ARHGAP4: variants seen among roughly 807,000 people sequenced by gnomAD.
ARHGAP4 encodes the protein Rho GTPase activating protein 4, also known as rho GTPase-activating protein 4.
Under a neutral mutation model 67.6 loss-of-function variants are expected in ARHGAP4, and 25 were observed. That is an observed-to-expected ratio of 0.37 (90% confidence interval 0.27 to 0.52). ARHGAP4 has a LOEUF of 0.52. ARHGAP4 is among the 20% of genes least tolerant of loss of function. The pLI is 0.92. For synonymous variants in ARHGAP4, 448 were observed against 373.7 expected, an observed-to-expected ratio of 1.20 and a Z score of -2.29; for missense variants, 804 against 854.6, an observed-to-expected ratio of 0.94 and a Z score of 0.74.
At chrX:153,919,756 A>C in intron 5 of ARHGAP4, 2 of 1,003,715 alleles carry the variant, frequency 2.0e-6, no homozygotes, top group Admixed American at 4.4e-5. Context: ...ACCTGCTGGC[A>C]CCTGGGTTCT....
At chrX:153,926,091 G>C in intron 1 of ARHGAP4, 45 bp downstream of exon 1, 1 of 1,192,563 alleles carries the variant, frequency 8.4e-7, no homozygotes, top group Non-Finnish European at 1.1e-6. Flanking sequence ...CACGACCTTG[G>C]GTTCTCCGCA....
intron 7 of ARHGAP4, chrX:153,914,099 G>A (rs1202545645): frequency 2.3e-6 from 1 of 425,541 alleles, no homozygotes; most frequent in African/African-American, 2.5e-5. Flanking sequence ...CCAACTGACG[G>A]ATGGCTAAAC....
chrX:153,914,515 G>A (rs187272614), intron 7 of ARHGAP4, among the ~76,000 whole-genome samples: 72 of 111,790 alleles, frequency 6.4e-4, no homozygotes, highest in African/African-American at 2.2e-3. Context: ...GGCCAACACG[G>A]TGAAACCCTG....
Position 153,921,207 on chromosome X carries a change from G to A in ARHGAP4, c.436-48C>T, listed in dbSNP as rs782469668. On this transcript the variant is annotated intron_variant, in intron 3 of 21. Coordinates refer to ENST00000350060, the MANE Select transcript of ARHGAP4 (RefSeq NM_001666.5). ...GCACGGCACTGCCCAGAGCGGCCCC[G>A]CCAGGCACTGGAAGCTCTGCCCAGA... 10 of 1,179,307 alleles carry A rather than the reference G, an allele frequency of 8.5e-6. No individual in the cohort carries two copies. The Admixed American group carries it at 1.4e-4, about 16-fold the overall frequency.
rs182260926 is a variant in ARHGAP4, at chrX:153,912,863, C to A, written c.1440-61G>T. ...GTGTGGAGAATAGGGTGCCCCACCC[C>A]CCAGGCCAGCCAAGCCGGCCTCTAA... On this transcript the variant is annotated intron_variant, in intron 11 of 21. Coordinates refer to ENST00000350060, the MANE Select transcript of ARHGAP4 (RefSeq NM_001666.5). The A allele has an allele frequency of 6.8e-5, 76 of 1,110,267 alleles. No homozygotes were observed. The South Asian group carries it at 1.4e-3, about 21-fold the overall frequency. The allele number at this position is 1,110,267 out of a possible 1,213,427, so 91.5% of individuals were successfully genotyped here.
chrX:153,910,889 G>GGCCCCCCCCCC, intron 14 of ARHGAP4, 33 bp downstream of exon 14: 1 of 1,147,445 alleles, frequency 8.7e-7, no homozygotes. Context: ...ATCTGCCCGA[G>GGCCCCCCCCCC]CCCCCACCCC....
intron 7 of ARHGAP4, among the ~76,000 whole-genome samples, chrX:153,914,639 G>A (rs1437831239): frequency 8.9e-6 from 1 of 112,396 alleles, no homozygotes; most frequent in Non-Finnish European, 1.9e-5. Context: ...GGAGGTTGCA[G>A]TGAGCCAAGA....
intron 1 of ARHGAP4, among the ~76,000 whole-genome samples, chrX:153,925,777 G>A (rs1178245905): frequency 8.9e-6 from 1 of 112,591 alleles, no homozygotes; most frequent in Non-Finnish European, 1.9e-5. Flanking sequence ...GCCCAATCAA[G>A]CTGGTTGACT....
At chrX:153,920,389 C>T in intron 5 of ARHGAP4, 1 of 406,465 alleles carries the variant, frequency 2.5e-6, no homozygotes, top group Non-Finnish European at 4.2e-6. Flanking sequence ...AGCAGAGCTG[C>T]AGGGGCCCCG....
chrX:153,911,864 C>A (rs1160761827), intron 12 of ARHGAP4, among the ~76,000 whole-genome samples: 1 of 109,107 alleles, frequency 9.2e-6, no homozygotes, highest in Non-Finnish European at 1.9e-5. Context: ...GAGCTGAGAT[C>A]GTGCCACTGC....
rs1274051416 is a variant in ARHGAP4 at position 153,907,390 on chromosome X, C to T, written c.*339G>A. 6.9e-6 allele frequency: 2 copies of T among 288,790 alleles called. No individual in the cohort carries two copies. The highest frequency in any genetic ancestry group is 4.1e-5 in the South Asian group (1 of 24,297). The allele number at this position is 288,790 out of a possible 1,213,427, so 23.8% of individuals were successfully genotyped here. The stretch of plus-strand genomic sequence containing the variant: ...GCTGGCTCCCATCGGGGAATCAACA[C>T]GAGGTCTTTATGAATCGCCACCCAG... On this transcript the variant is annotated 3_prime_UTR_variant, in exon 22 of 22. Transcript: ENST00000350060.
intron 7 of ARHGAP4, among the ~76,000 whole-genome samples, chrX:153,916,459 G>C (rs1254697198): frequency 3.5e-5 from 4 of 113,078 alleles, no homozygotes; most frequent in African/African-American, 9.6e-5. Context: ...TGGCTGGAGG[G>C]TGTGGAACTA....
intron 4 of ARHGAP4, 136 bp downstream of exon 4, chrX:153,920,961 C>T (rs199968461): frequency 2.5e-6 from 2 of 794,476 alleles, no homozygotes; most frequent in African/African-American, 4.4e-5. Context: ...GGGAGAGAGG[C>T]CTTTGCCCCT....
chrX:153,913,508 G>A lies in ARHGAP4; in HGVS notation c.1227C>T (p.Pro409=). The change falls in exon 9 of 22, where the codon CCC becomes CCT. Residue 409 remains proline (P), a synonymous_variant. Coordinates refer to ENST00000350060, the MANE Select transcript of ARHGAP4 (RefSeq NM_001666.5). ...GDVLDSFQTS[P]STESLKSTSS... is the part of the protein sequence containing the mutation. ...TGGTGGACTTGAGGGACTCGGTGGA[G>A]GGGCTGGTCTGGAAGGAATCAAGCA... The A allele has an allele frequency of 8.2e-7, 1 of 1,212,170 alleles. No homozygotes were observed. The highest frequency in any genetic ancestry group is 1.8e-5 in the South Asian group (1 of 57,037).
chrX:153,910,445 C>T, intron 16 of ARHGAP4, 41 bp from the exon 17 acceptor site: 1 of 1,172,642 alleles, frequency 8.5e-7, no homozygotes, highest in South Asian at 1.9e-5. Flanking sequence ...GCCCGCACCC[C>T]GAGTCCCCCT....
intron 10 of ARHGAP4, 67 bp from the exon 11 acceptor site, chrX:153,913,118 G>A (rs1356694974): frequency 1.7e-6 from 2 of 1,163,462 alleles, no homozygotes; most frequent in African/African-American, 3.6e-5. Context: ...CAGAGAGAAA[G>A]GTGTGGATAA....
At chrX:153,921,229 C>G (rs1182493381) in intron 3 of ARHGAP4, 70 bp from the exon 4 acceptor site, 1 of 1,175,551 alleles carries the variant, frequency 8.5e-7, no homozygotes, top group African/African-American at 1.8e-5. Context: ...AAGCTCTGCC[C>G]AGATCAAGCC....
At chrX:153,916,890 CA>C (rs1464837690) in intron 7 of ARHGAP4, among the ~76,000 whole-genome samples, 4 of 111,543 alleles carry the variant, frequency 3.6e-5, no homozygotes, top group Admixed American at 9.5e-5. Context: ...CAAGCCTGGC[CA>C]ACATGGTGAA....
intron 7 of ARHGAP4, among the ~76,000 whole-genome samples, chrX:153,917,221 A>G (rs2065061486): frequency 9.1e-6 from 1 of 110,200 alleles, no homozygotes; most frequent in South Asian, 3.9e-4. Context: ...GTCTCAAAAA[A>G]TAAATAAATA....
Sources: allele counts gnomAD v4.1 joint callset (sites outside exome capture counted in the v4.1 genomes callset), GRCh38; gene constraint gnomAD v4.1.1; transcripts MANE v1.5; gene names NCBI Gene and HGNC (gene_info 2026-07-23, HGNC 2026-07-21).